Variants in SNRPF observed in about 807,000 individuals in gnomAD.
The protein encoded by SNRPF is small nuclear ribonucleoprotein F.
In SNRPF, 1 loss-of-function variant was observed where a neutral mutation model predicts 13.4. That is an observed-to-expected ratio of 0.07 (90% confidence interval 0.03 to 0.35). SNRPF has a LOEUF of 0.35. SNRPF is among the 10% of genes least tolerant of loss of function. The pLI is 0.99. For missense variants in SNRPF, 53 were observed against 101.0 expected, an observed-to-expected ratio of 0.52 and a Z score of 2.04; for synonymous variants, 27 against 32.1, an observed-to-expected ratio of 0.84 and a Z score of 0.54.
In SNRPF at chr12:95,859,115, G is replaced by T. The variant is rs780863584; in HGVS notation, c.3+39G>T. 2.6e-6 allele frequency: 4 copies of T among 1,561,804 alleles called. No homozygotes were observed. In the Admixed American group the frequency reaches 6.8e-5, roughly 26 times the overall value. On this transcript the variant is annotated intron_variant, in intron 1 of 3. Coordinates refer to ENST00000266735, the MANE Select transcript of SNRPF (RefSeq NM_003095.5). Reference sequence around the variant, plus strand: ...GAACGGCGGGAGAAGCGGGGAGAAAGAGAAGGAGGGAGACCAGCCTCGCGG... The same window carrying T: ...GAACGGCGGGAGAAGCGGGGAGAAATAGAAGGAGGGAGACCAGCCTCGCGG...
At chr12:95,859,833 T>C (rs1039165770) in intron 1 of SNRPF, among the ~76,000 whole-genome samples, 2 of 152,304 alleles carry the variant, frequency 1.3e-5, no homozygotes, top group East Asian at 1.9e-4. Flanking sequence ...TCCAAATCAA[T>C]TTAAAATGAT....
Position 95,861,149 on chromosome 12 carries a change from T to G in SNRPF, c.4-19T>G, listed in dbSNP as rs1371140225. On this transcript the variant is annotated intron_variant, in intron 1 of 3. Transcript: ENST00000266735. ...GGAGGAAAAATAATTAATTAGATCC[T>G]TTTTTGTTCTTTGTGCAGAGTTTAC... The G allele has an allele frequency of 1.3e-6, 2 of 1,590,690 alleles. No homozygotes were observed. The highest frequency in any genetic ancestry group is 1.7e-6 in the Non-Finnish European group (2 of 1,169,234).
chr12:95,861,084 C>A, intron 1 of SNRPF, 84 bp from the exon 2 acceptor site: 1 of 1,326,590 alleles, frequency 7.5e-7, no homozygotes, highest in South Asian at 1.4e-5. Flanking sequence ...ATTTGCATAC[C>A]ACAAAATATT....
At position 95,859,121 on chromosome 12, in the gene SNRPF, G is replaced by C. The variant is rs747597092; in HGVS notation, c.3+45G>C. 10 of 1,553,740 alleles carry C rather than the reference G, an allele frequency of 6.4e-6. 1 individual carries two copies. The highest frequency in any genetic ancestry group is 3.4e-4 in the Middle Eastern group (2 of 5,940). ...CGGGAGAAGCGGGGAGAAAGAGAAGGAGGGAGACCAGCCTCGCGGGGCCTG... is the reference window on the plus strand; with the variant it reads ...CGGGAGAAGCGGGGAGAAAGAGAAGCAGGGAGACCAGCCTCGCGGGGCCTG... On this transcript the variant is annotated intron_variant, in intron 1 of 3. Transcript: ENST00000266735.
chr12:95,860,940 G>A (rs1008933633), intron 1 of SNRPF, among the ~76,000 whole-genome samples: 4 of 143,640 alleles, frequency 2.8e-5, no homozygotes, highest in African/African-American at 1.0e-4. Context: ...TGTATCTTAA[G>A]TGAATAGTCA....
At chr12:95,859,216 T>G in intron 1 of SNRPF, 140 bp downstream of exon 1, 1 of 683,664 alleles carries the variant, frequency 1.5e-6, no homozygotes, top group Non-Finnish European at 2.4e-6. Flanking sequence ...CTCCTTTCAC[T>G]CTGCTTTTAG....
Position 95,866,053 on chromosome 12 carries a change from T to TG in SNRPF, c.247dup (p.Glu83GlyfsTer18). The TG allele has an allele frequency of 6.6e-7, 1 of 1,525,798 alleles. No homozygotes were observed. The highest frequency in any genetic ancestry group is 9.0e-7 in the Non-Finnish European group (1 of 1,112,526). The allele number at this position is 1,525,798 out of a possible 1,614,324, so 94.5% of individuals were successfully genotyped here. On this transcript the variant is annotated frameshift_variant, in exon 4 of 4. Coordinates refer to ENST00000266735, the MANE Select transcript of SNRPF (RefSeq NM_003095.5). LOFTEE classifies it high-confidence loss of function. ...GAGGTGTGGAAGAAGAGGAAGAAGA[T>TG]GGGGAAATGAGAGAATAGCATCTTT...
intron 2 of SNRPF, among the ~76,000 whole-genome samples, chr12:95,862,897 G>C (rs1054036159): frequency 6.6e-6 from 1 of 152,072 alleles, no homozygotes; most frequent in African/African-American, 2.4e-5. Context: ...ATTTGCATTT[G>C]GCTAATGATG....
rs933065997 is a variant in SNRPF, at chr12:95,858,965, A to G, written c.-109A>G. On this transcript the variant is annotated 5_prime_UTR_variant, in exon 1 of 4. Transcript: ENST00000266735. ...AAGGTCATAGTCCTGTTTGGCGGCC[A>G]TTTCTCTTGAAACTGCGGCTCGGGA... The G allele has an allele frequency of 4.5e-6, 7 of 1,541,896 alleles. No homozygotes were observed. The highest frequency in any genetic ancestry group is 6.2e-6 in the Non-Finnish European group (7 of 1,131,760).
chr12:95,864,573 G>C (rs1482577778), intron 2 of SNRPF, among the ~76,000 whole-genome samples: 4 of 152,180 alleles, frequency 2.6e-5, no homozygotes, highest in Admixed American at 2.6e-4. Context: ...TTTCTCTTAA[G>C]AACTTGTTTT....
chr12:95,859,158 G>A (rs1407102586), intron 1 of SNRPF, 82 bp downstream of exon 1: 5 of 1,266,680 alleles, frequency 3.9e-6, no homozygotes, highest in Admixed American at 1.9e-5. Flanking sequence ...TGGTTCCTTC[G>A]CGCGTTTCCC....
intron 1 of SNRPF, among the ~76,000 whole-genome samples, chr12:95,860,555 C>CT (rs1467297793): frequency 3.9e-5 from 6 of 152,046 alleles, no homozygotes; most frequent in South Asian, 2.1e-4. Context: ...GACAGGGACT[C>CT]ATTTATTTAT....
At chr12:95,860,376 T>TA (rs1425269114) in intron 1 of SNRPF, among the ~76,000 whole-genome samples, 3 of 152,232 alleles carry the variant, frequency 2.0e-5, no homozygotes, top group Non-Finnish European at 4.4e-5. Flanking sequence ...GCTCTGGAAA[T>TA]AAACTCTTAT....
intron 2 of SNRPF, 80 bp from the exon 3 acceptor site, chr12:95,865,244 G>T: frequency 1.6e-6 from 1 of 633,442 alleles, no homozygotes. Flanking sequence ...CTCAGTTAAT[G>T]AGTTCTCTCA....
intron 2 of SNRPF, among the ~76,000 whole-genome samples, chr12:95,864,711 C>T (rs538665648): frequency 3.7e-4 from 56 of 152,326 alleles, no homozygotes; most frequent in Middle Eastern, 6.8e-3. Context: ...TCAAGACCAG[C>T]TTGGGCAATA....
intron 1 of SNRPF, among the ~76,000 whole-genome samples, chr12:95,860,491 A>G (rs1445040782): frequency 1.3e-5 from 2 of 152,200 alleles, no homozygotes; most frequent in Non-Finnish European, 1.5e-5. Flanking sequence ...ACAGTGCAGC[A>G]TGCAATATAA....
At chr12:95,862,624 G>A (rs2079501366) in intron 2 of SNRPF, among the ~76,000 whole-genome samples, 1 of 152,144 alleles carries the variant, frequency 6.6e-6, no homozygotes, top group Non-Finnish European at 1.5e-5. Flanking sequence ...AGCTGAGTTG[G>A]GAGGATTACC....
At chr12:95,861,721 G>A (rs1445094608) in intron 2 of SNRPF, 3 of 161,394 alleles carry the variant, frequency 1.9e-5, no homozygotes, top group Non-Finnish European at 4.0e-5. Context: ...ATCTGCCAAA[G>A]GAATTGAACT....
Position 95,859,019 on chromosome 12 carries a change from A to G in SNRPF, c.-55A>G, listed in dbSNP as rs540422287. On this transcript the variant is annotated 5_prime_UTR_variant, in exon 1 of 4. Transcript: ENST00000266735. ...GCGGTACCTGCTGTAGTCACGAGGG[A>G]CGGGCGGCGGCCTGGTCGGCAGAGA... 65 of 1,608,246 alleles carry G rather than the reference A, an allele frequency of 4.0e-5. No homozygotes were observed. Among genetic ancestry groups the G allele is most frequent in the Non-Finnish European group, 4.9e-5 (58 of 1,178,382 alleles).
Sources: gnomAD v4.1 joint callset for allele counts (sites outside exome capture counted in the v4.1 genomes callset) on GRCh38, gnomAD v4.1.1 for gene constraint, MANE v1.5 for transcripts, NCBI Gene and HGNC (gene_info 2026-07-23, HGNC 2026-07-21) for gene names.